The following VSTM4 variants were observed in gnomAD, a reference collection of about 807,000 sequenced individuals.
VSTM4 encodes the protein V-set and transmembrane domain-containing protein 4.
VSTM4 carries 20 observed loss-of-function variants against 36.4 expected under a neutral mutation model. The ratio of observed to expected loss-of-function variants is 0.55; its 90% CI spans 0.39 to 0.80. VSTM4 has a LOEUF of 0.80. Among genes scored for constraint, VSTM4 ranks in the 30% least tolerant of loss-of-function variants. VSTM4 has a pLI of 0.00. For missense variants in VSTM4, 392 were observed against 404.5 expected, an observed-to-expected ratio of 0.97 and a Z score of 0.26; for synonymous variants, 182 against 173.9, an observed-to-expected ratio of 1.05 and a Z score of -0.37.
At chr10:49,113,056 G>A (rs1158820196) in intron 1 of VSTM4, among the ~76,000 whole-genome samples, 1 of 152,126 alleles carries the variant, frequency 6.6e-6, no homozygotes, top group African/African-American at 2.4e-5. Flanking sequence ...GTTCTGAGCA[G>A]GCCAGGGATG....
rs1843140484 is a variant in VSTM4, at chr10:49,018,945, A to C, written c.*705T>G. The C allele has an allele frequency of 6.6e-6, 1 of 152,276 alleles. No individual in the cohort carries two copies. The highest frequency in any genetic ancestry group is 2.1e-4 in the South Asian group (1 of 4,836). 9.4% of individuals were successfully genotyped at this position (152,276 alleles called of 1,614,324 possible). A position where few individuals can be genotyped will look rare whatever the true frequency, so the allele number is the denominator to read the frequency against. On this transcript the variant is annotated 3_prime_UTR_variant, in exon 8 of 8. Transcript: ENST00000332853. ...CACTTCTTAGAGAGTGTGTTTCTCTATCAGTACAGGTCCACCTTGTGAAAG... is the reference window on the plus strand; with the variant it reads ...CACTTCTTAGAGAGTGTGTTTCTCTCTCAGTACAGGTCCACCTTGTGAAAG...
Position 49,019,329 on chromosome 10 carries a change from C to A in VSTM4, c.*321G>T, listed in dbSNP as rs1334369350. The stretch of plus-strand genomic sequence containing the variant: ...GATTTAAAAACGATTTTAAAGAAAA[C>A]CTGGGGAAAGAGGAGAAAAATGTGA... On this transcript the variant is annotated 3_prime_UTR_variant, in exon 8 of 8. Coordinates refer to ENST00000332853, the MANE Select transcript of VSTM4 (RefSeq NM_001031746.5). 1 of 203,862 alleles carries A rather than the reference C, an allele frequency of 4.9e-6. No homozygotes were observed. The highest frequency in any genetic ancestry group is 1.1e-4 in the East Asian group (1 of 9,126). 12.6% of individuals were successfully genotyped at this position (203,862 alleles called of 1,614,324 possible). A position where few individuals can be genotyped will look rare whatever the true frequency, so the allele number is the denominator to read the frequency against.
chr10:49,051,580 G>C (rs1186757598), intron 5 of VSTM4, among the ~76,000 whole-genome samples: 2 of 152,044 alleles, frequency 1.3e-5, no homozygotes, highest in Non-Finnish European at 2.9e-5. Context: ...ATTTTTAGTA[G>C]AGAGGGGGTT....
intron 5 of VSTM4, among the ~76,000 whole-genome samples, chr10:49,058,294 A>G (rs1843817540): frequency 6.6e-6 from 1 of 152,136 alleles, no homozygotes; most frequent in South Asian, 2.1e-4. Flanking sequence ...AGTCCTCCTC[A>G]CAACTTTCCT....
At position 49,018,997 on chromosome 10, in the gene VSTM4, C is replaced by A; in HGVS notation, c.*653G>T. On this transcript the variant is annotated 3_prime_UTR_variant, in exon 8 of 8. Transcript: ENST00000332853. ...GCTGGAAGCCCTCTAGAATGGTGTT[C>A]TTCTTGTCCTGCGGCCTCAGGGTCT... is the stretch of plus-strand genomic sequence containing the variant. The A allele has an allele frequency of 6.6e-6, 1 of 152,454 alleles. No individual in the cohort carries two copies. Among genetic ancestry groups the A allele is most frequent in the Non-Finnish European group, 1.5e-5 (1 of 68,126 alleles). The allele number at this position is 152,454 out of a possible 1,614,324, so 9.4% of individuals were successfully genotyped here.
chr10:49,026,761 G>T (rs746592795), intron 7 of VSTM4, among the ~76,000 whole-genome samples: 1 of 152,190 alleles, frequency 6.6e-6, no homozygotes, highest in Non-Finnish European at 1.5e-5. Flanking sequence ...AGAGGAACCC[G>T]CTGCTACCTG....
chr10:49,016,370 A>C lies in VSTM4; in HGVS notation c.*3280T>G, dbSNP rs1843105284. 1 of 152,194 alleles carries C rather than the reference A, an allele frequency of 6.6e-6. No individual in the cohort carries two copies. Among genetic ancestry groups the C allele is most frequent in the African/African-American group, 2.4e-5 (1 of 41,422 alleles). 9.4% of individuals were successfully genotyped at this position (152,194 alleles called of 1,614,324 possible). On this transcript the variant is annotated 3_prime_UTR_variant, in exon 8 of 8. Coordinates refer to ENST00000332853, the MANE Select transcript of VSTM4 (RefSeq NM_001031746.5). ...TGTTGCCTTCCAAGGCTTCTCCACT[A>C]GGCAGGAGATGTGGCAACAGATAGA...
chr10:49,039,342 GC>G (rs1200809341), intron 7 of VSTM4, among the ~76,000 whole-genome samples: 9 of 152,108 alleles, frequency 5.9e-5, no homozygotes, highest in African/African-American at 2.2e-4. Context: ...CTCACAGGAA[GC>G]CGCCTCATCC....
At chr10:49,107,522 G>A in intron 2 of VSTM4, 72 bp downstream of exon 2, 3 of 1,522,600 alleles carry the variant, frequency 2.0e-6, no homozygotes, top group Non-Finnish European at 2.6e-6. Context: ...GAGCCCCTGG[G>A]TGGTGGCTGC....
intron 1 of VSTM4, among the ~76,000 whole-genome samples, chr10:49,108,378 C>T (rs964732642): frequency 2.0e-5 from 3 of 152,216 alleles, no homozygotes; most frequent in Non-Finnish European, 4.4e-5. Context: ...CCCCACACCT[C>T]ACCACCTGGC....
chr10:49,091,216 C>G (rs925752778), intron 2 of VSTM4, among the ~76,000 whole-genome samples: 3 of 152,214 alleles, frequency 2.0e-5, no homozygotes, highest in African/African-American at 7.2e-5. Context: ...TTGTCATTGC[C>G]TTGGGACCCT....
chr10:49,078,927 G>A (rs184108608), intron 3 of VSTM4, among the ~76,000 whole-genome samples: 7 of 152,228 alleles, frequency 4.6e-5, no homozygotes, highest in Admixed American at 2.6e-4. Flanking sequence ...CTCCTCTCAG[G>A]TTCAAGCATT....
At chr10:49,051,833 T>C (rs887550712) in intron 5 of VSTM4, among the ~76,000 whole-genome samples, 14 of 152,360 alleles carry the variant, frequency 9.2e-5, no homozygotes, top group Admixed American at 2.6e-4. Context: ...TAAACATCCA[T>C]GTGCAGTTTT....
chr10:49,029,774 G>C (rs534209461), intron 7 of VSTM4, among the ~76,000 whole-genome samples: 1 of 152,342 alleles, frequency 6.6e-6, no homozygotes, highest in Non-Finnish European at 1.5e-5. Context: ...CCAACTAAAG[G>C]GGAAGTTGGG....
intron 3 of VSTM4, among the ~76,000 whole-genome samples, chr10:49,082,289 A>G (rs1220850368): frequency 1.3e-5 from 2 of 152,252 alleles, no homozygotes; most frequent in African/African-American, 4.8e-5. Context: ...TGCTGGTTGA[A>G]AGGTTGAAGC....
In VSTM4 at chr10:49,018,871, T is replaced by A. The variant is rs1843139369; in HGVS notation, c.*779A>T. On this transcript the variant is annotated 3_prime_UTR_variant, in exon 8 of 8. Transcript: ENST00000332853. ...GTGAAGAGGCCCATGCGCTCCAGTG[T>A]GTCTTCTGATGGCCAACACCTGTGC... 6.6e-6 allele frequency: 1 copy of A among 152,282 alleles called. No individual in the cohort carries two copies. Among genetic ancestry groups the A allele is most frequent in the South Asian group, 2.1e-4 (1 of 4,828 alleles). 9.4% of individuals were successfully genotyped at this position (152,282 alleles called of 1,614,324 possible).
chr10:49,047,556 G>A (rs1238359767), intron 6 of VSTM4, among the ~76,000 whole-genome samples: 1 of 152,184 alleles, frequency 6.6e-6, no homozygotes, highest in African/African-American at 2.4e-5. Flanking sequence ...GCTCTACCAC[G>A]TACCTAAGTC....
At chr10:49,072,700 G>T (rs1844102653) in intron 4 of VSTM4, among the ~76,000 whole-genome samples, 2 of 152,172 alleles carry the variant, frequency 1.3e-5, no homozygotes, top group African/African-American at 4.8e-5. Flanking sequence ...GGGGGGTATG[G>T]CTACCTTGCT....
chr10:49,068,492 G>A (rs952331840), intron 4 of VSTM4, among the ~76,000 whole-genome samples: 6 of 152,144 alleles, frequency 3.9e-5, no homozygotes, highest in African/African-American at 9.7e-5. Flanking sequence ...CTGAGGCACC[G>A]TTCTGAGATC....
Sources: gnomAD v4.1 joint callset for allele counts (sites outside exome capture counted in the v4.1 genomes callset) on GRCh38, gnomAD v4.1.1 for gene constraint, MANE v1.5 for transcripts, NCBI Gene and HGNC (gene_info 2026-07-23, HGNC 2026-07-21) for gene names.